HS3ST4: variants seen among roughly 807,000 people sequenced by gnomAD.
HS3ST4 encodes heparan sulfate-glucosamine 3-sulfotransferase 4, also known as heparan sulfate glucosamine 3-O-sulfotransferase 4.
Under a neutral mutation model 29.2 loss-of-function variants are expected in HS3ST4, and 17 were observed. That is an observed-to-expected ratio of 0.58 (90% CI 0.40 to 0.87). HS3ST4 has a LOEUF of 0.87. HS3ST4 is among the 40% of genes least tolerant of loss of function. HS3ST4 has a pLI of 0.00. For synonymous variants in HS3ST4, 314 were observed against 285.7 expected (o/e 1.10, Z -1.00); for missense variants, 627 against 634.5 (o/e 0.99, Z 0.13).
chr16:26,038,697 T>G (rs958435711), intron 1 of HS3ST4, among the ~76,000 whole-genome samples: 16 of 151,862 alleles, frequency 1.1e-4, no homozygotes, highest in Non-Finnish European at 1.9e-4. Flanking sequence ...TATTTATTTT[T>G]GAGATGGAGT....
chr16:25,859,985 A>G (rs1967620707), intron 1 of HS3ST4, among the ~76,000 whole-genome samples: 1 of 152,172 alleles, frequency 6.6e-6, no homozygotes, highest in Non-Finnish European at 1.5e-5. Context: ...TTAGATTCTC[A>G]TAGGAGCACA....
At chr16:25,805,001 G>A (rs1966976352) in intron 1 of HS3ST4, among the ~76,000 whole-genome samples, 1 of 152,068 alleles carries the variant, frequency 6.6e-6, no homozygotes, top group Non-Finnish European at 1.5e-5. Flanking sequence ...ACCTCAGGTG[G>A]GGTACACAGG....
intron 1 of HS3ST4, among the ~76,000 whole-genome samples, chr16:26,075,561 G>A (rs1354582825): frequency 6.6e-6 from 1 of 152,236 alleles, no homozygotes; most frequent in Admixed American, 6.5e-5. Context: ...ATTGCAGGAT[G>A]TGGTCTTTTG....
At chr16:25,990,865 G>A (rs1365487769) in intron 1 of HS3ST4, among the ~76,000 whole-genome samples, 3 of 152,176 alleles carry the variant, frequency 2.0e-5, no homozygotes, top group Non-Finnish European at 4.4e-5. Flanking sequence ...TTTCAGCAAA[G>A]GCATTCATTG....
chr16:25,803,927 A>G (rs770470557), intron 1 of HS3ST4, among the ~76,000 whole-genome samples: 1 of 151,836 alleles, frequency 6.6e-6, no homozygotes, highest in Non-Finnish European at 1.5e-5. Context: ...TTCATTTTTC[A>G]TATTTTGGTT....
intron 1 of HS3ST4, among the ~76,000 whole-genome samples, chr16:25,862,685 A>G (rs769331438): frequency 2.5e-5 from 3 of 118,982 alleles, no homozygotes; most frequent in Admixed American, 7.7e-5. Context: ...ACCGTTTAGT[A>G]CTTACAGACA....
At chr16:26,061,716 A>G (rs1898478363) in intron 1 of HS3ST4, among the ~76,000 whole-genome samples, 1 of 152,106 alleles carries the variant, frequency 6.6e-6, no homozygotes, top group African/African-American at 2.4e-5. Flanking sequence ...GGCCCAAATA[A>G]TGTCATCAGG....
In HS3ST4 at chr16:25,867,530, A is replaced by T. The variant is rs972254678; in HGVS notation, c.734+174379A>T. Among the ~76,000 whole-genome samples the T allele has an allele frequency of 6.6e-5, 10 of 152,130 alleles. 2 individuals are homozygous for T. The highest frequency in any genetic ancestry group is 6.6e-4 in the Admixed American group (10 of 15,264). ...TGCTGCAATGCCATCCATCTGTTTT[A>T]AAGTTGTATATCCTTTATCTTAGCC... On this transcript the variant is annotated intron_variant, in intron 1 of 1. Transcript: ENST00000331351.
intron 1 of HS3ST4, among the ~76,000 whole-genome samples, chr16:25,833,175 G>T (rs761826195): frequency 9.9e-5 from 15 of 152,108 alleles, no homozygotes; most frequent in Non-Finnish European, 1.6e-4. Flanking sequence ...GAGACCTTTG[G>T]ACCGATTTCA....
At chr16:25,904,198 G>A (rs561723803) in intron 1 of HS3ST4, among the ~76,000 whole-genome samples, 1 of 151,172 alleles carries the variant, frequency 6.6e-6, no homozygotes, top group African/African-American at 2.4e-5. Flanking sequence ...ATGGACAGAT[G>A]AATGGATGGA....
intron 1 of HS3ST4, among the ~76,000 whole-genome samples, chr16:26,042,418 G>A (rs1169989705): frequency 3.3e-5 from 5 of 151,962 alleles, no homozygotes; most frequent in Admixed American, 2.6e-4. Flanking sequence ...CCATTCTCCT[G>A]TCATCAGCTT....
intron 1 of HS3ST4, among the ~76,000 whole-genome samples, chr16:26,022,310 A>G (rs780404751): frequency 2.0e-5 from 3 of 152,112 alleles, no homozygotes; most frequent in Non-Finnish European, 4.4e-5. Flanking sequence ...TTTTGGGTGA[A>G]TCTCAGTGGA....
At chr16:25,928,035 C>CAAA (rs767016845) in intron 1 of HS3ST4, among the ~76,000 whole-genome samples, 1,518 of 49,102 alleles carry the variant, frequency 0.031, 67 homozygotes, top group Non-Finnish European at 0.042. Flanking sequence ...CCCATCTCGA[C>CAAA]AAAAAAAAAA....
chr16:25,748,375 A>G (rs781087689), intron 1 of HS3ST4, among the ~76,000 whole-genome samples: 18 of 152,132 alleles, frequency 1.2e-4, no homozygotes, highest in Non-Finnish European at 2.1e-4. Flanking sequence ...TCCCTTTGCT[A>G]AGTGGAATGA....
At position 26,047,969 on chromosome 16, in the gene HS3ST4, C is replaced by T. The variant is rs1458863220; in HGVS notation, c.735-87643C>T. Among the ~76,000 whole-genome samples the T allele has an allele frequency of 2.0e-5, 3 of 152,166 alleles. No individual in the cohort carries two copies. In the East Asian group the frequency reaches 5.8e-4, roughly 29 times the overall value. ...TTGAGGAGAGGCATGACTCCTGCTC[C>T]AACCAGATGTGAGGCAATCACCTGA... On this transcript the variant is annotated intron_variant, in intron 1 of 1. Coordinates refer to ENST00000331351, the MANE Select transcript of HS3ST4 (RefSeq NM_006040.3).
At chr16:25,780,561 A>G (rs1966851730) in intron 1 of HS3ST4, among the ~76,000 whole-genome samples, 1 of 152,206 alleles carries the variant, frequency 6.6e-6, no homozygotes, top group African/African-American at 2.4e-5. Context: ...GAAGCAAAGA[A>G]TTGGCATAGT....
chr16:25,931,639 G>C (rs999009853), intron 1 of HS3ST4, among the ~76,000 whole-genome samples: 8 of 152,196 alleles, frequency 5.3e-5, no homozygotes, highest in African/African-American at 1.9e-4. Context: ...AGAAATAGCT[G>C]ATCTTAAATC....
At chr16:25,767,234 C>T (rs916376685) in intron 1 of HS3ST4, among the ~76,000 whole-genome samples, 1 of 152,212 alleles carries the variant, frequency 6.6e-6, no homozygotes, top group African/African-American at 2.4e-5. Flanking sequence ...TAGTCATCTG[C>T]ATGGTCGTAC....
intron 1 of HS3ST4, among the ~76,000 whole-genome samples, chr16:25,870,057 C>T (rs780251594): frequency 4.0e-5 from 6 of 151,880 alleles, no homozygotes; most frequent in Admixed American, 6.6e-5. Flanking sequence ...TCTCACTCAG[C>T]GCCATCATTC....
Sources: gnomAD v4.1 joint callset for allele counts (sites outside exome capture counted in the v4.1 genomes callset) on GRCh38, gnomAD v4.1.1 for gene constraint, MANE v1.5 for transcripts, NCBI Gene and HGNC (gene_info 2026-07-23, HGNC 2026-07-21) for gene names.